The following PPFIBP1 variants were observed in gnomAD, a reference collection of about 807,000 sequenced individuals.
PPFIBP1 encodes liprin-beta-1.
PPFIBP1 carries 112 observed loss-of-function variants against 137.8 expected under a neutral mutation model. That is an observed-to-expected ratio of 0.81 (90% CI 0.70 to 0.95). The LOEUF is 0.95. Ranked by LOEUF, PPFIBP1 falls within the 40% of genes least tolerant of loss-of-function variation. The probability of loss-of-function intolerance (pLI) is 0.00; values close to 1 mark genes in which losing one functional copy is unlikely to be tolerated. For synonymous variants in PPFIBP1, 378 were observed against 417.3 expected (o/e 0.91, Z 1.15); for missense variants, 1,083 against 1,196.6 (o/e 0.91, Z 1.40).
intron 16 of PPFIBP1, among the ~76,000 whole-genome samples, 155 bp downstream of exon 16, chr12:27,673,982 T>C (rs1356907414): frequency 6.6e-6 from 1 of 152,176 alleles, no homozygotes; most frequent in Non-Finnish European, 1.5e-5. Flanking sequence ...CAGTAAATAT[T>C]AAGAAGTATG....
chr12:27,604,403 G>A (rs746647275), intron 2 of PPFIBP1, among the ~76,000 whole-genome samples: 1 of 152,184 alleles, frequency 6.6e-6, no homozygotes, highest in Non-Finnish European at 1.5e-5. Context: ...GGATTGCAGG[G>A]TGGGGTGAGA....
chr12:27,536,182 G>A (rs760269074), intron 1 of PPFIBP1, among the ~76,000 whole-genome samples: 1 of 152,124 alleles, frequency 6.6e-6, no homozygotes, highest in Non-Finnish European at 1.5e-5. Context: ...GAACTCCCAC[G>A]CACCAGGAGT....
chr12:27,679,129 T>G (rs61917495), intron 19 of PPFIBP1, among the ~76,000 whole-genome samples: 1,793 of 152,160 alleles, frequency 0.012, 14 homozygotes, highest in Non-Finnish European at 0.018. Context: ...AGAGTGGTCA[T>G]GTCAAGAAGC....
At chr12:27,581,330 T>C (rs16931566) in intron 2 of PPFIBP1, among the ~76,000 whole-genome samples, 2,622 of 152,334 alleles carry the variant, frequency 0.017, 72 homozygotes, top group African/African-American at 0.06. Flanking sequence ...GAATGCTGTC[T>C]GGTTGTACCA....
At chr12:27,682,740 CT>C (rs1390330185) in intron 24 of PPFIBP1, 37 bp downstream of exon 24, 2 of 1,612,782 alleles carry the variant, frequency 1.2e-6, no homozygotes, top group African/African-American at 1.3e-5. Context: ...GGGAGGAAAA[CT>C]TTTTTTCTCT....
chr12:27,526,765 G>C (rs1053471160), intron 1 of PPFIBP1, among the ~76,000 whole-genome samples: 8 of 152,188 alleles, frequency 5.3e-5, no homozygotes, highest in African/African-American at 1.9e-4. Context: ...AACCCAGGAG[G>C]CGGAGGTTGC....
At chr12:27,613,167 C>T (rs1326351293) in intron 2 of PPFIBP1, among the ~76,000 whole-genome samples, 1 of 152,238 alleles carries the variant, frequency 6.6e-6, no homozygotes, top group Non-Finnish European at 1.5e-5. Flanking sequence ...TCCCTGATTG[C>T]CATGCCTGGC....
At chr12:27,592,914 T>C (rs1368578913) in intron 2 of PPFIBP1, among the ~76,000 whole-genome samples, 3 of 152,004 alleles carry the variant, frequency 2.0e-5, no homozygotes, top group Non-Finnish European at 4.4e-5. Context: ...CCGAGGCATG[T>C]GGATCACTTG....
intron 2 of PPFIBP1, among the ~76,000 whole-genome samples, chr12:27,624,872 G>A (rs2056676957): frequency 6.6e-6 from 1 of 152,128 alleles, no homozygotes; most frequent in African/African-American, 2.4e-5. Flanking sequence ...AAATATCTAA[G>A]ACAATATGTC....
chr12:27,631,987 T>C (rs1350018536), intron 2 of PPFIBP1, among the ~76,000 whole-genome samples: 1 of 151,694 alleles, frequency 6.6e-6, no homozygotes, highest in Non-Finnish European at 1.5e-5. Flanking sequence ...GAATAAATTT[T>C]TTGGAATGAC....
At chr12:27,690,205 A>G (rs746497650) in intron 27 of PPFIBP1, among the ~76,000 whole-genome samples, 2 of 151,782 alleles carry the variant, frequency 1.3e-5, no homozygotes, top group Non-Finnish European at 2.9e-5. Flanking sequence ...ATGTGGAGGG[A>G]TGCAAACCCC....
intron 1 of PPFIBP1, among the ~76,000 whole-genome samples, chr12:27,539,554 C>T (rs1201238326): frequency 6.6e-6 from 1 of 152,268 alleles, no homozygotes; most frequent in Admixed American, 6.5e-5. Context: ...TCAAGAAGCC[C>T]TATGTTTTTC....
At chr12:27,673,071 A>G (rs191702190) in intron 15 of PPFIBP1, among the ~76,000 whole-genome samples, 1 of 152,296 alleles carries the variant, frequency 6.6e-6, no homozygotes, top group African/African-American at 2.4e-5. Context: ...GTAAATGTGC[A>G]TATTTATATT....
chr12:27,687,553 T>C (rs750280407), intron 25 of PPFIBP1, 46 bp downstream of exon 25: 1 of 1,603,346 alleles, frequency 6.2e-7, no homozygotes, highest in South Asian at 1.1e-5. Context: ...TTCCCAGGCA[T>C]GGGACTGTCC....
rs774011489 is a variant in PPFIBP1, at chr12:27,687,450, G to C, written c.2313G>C (p.Gln771His). ...LHHLSIKRAI[Q>H]VLRINNFEPN... Reference sequence around the variant, plus strand: ...ATCTCAGTATCAAAAGGGCCATCCAGGTCCTGAGGATCAATAACTTTGAAC... The same window carrying C: ...ATCTCAGTATCAAAAGGGCCATCCACGTCCTGAGGATCAATAACTTTGAAC... The change falls in exon 25 of 30, where the codon CAG becomes CAC. Residue 771 changes from glutamine (Q) to histidine (H), a missense_variant. By Grantham distance (24) the Gln-to-His change is conservative (BLOSUM62 0). Coordinates refer to ENST00000228425, the MANE Select transcript of PPFIBP1 (RefSeq NM_003622.4). 2.5e-6 allele frequency: 4 copies of C among 1,614,076 alleles called. No individual in the cohort carries two copies. The highest frequency in any genetic ancestry group is 4.5e-5 in the East Asian group (2 of 44,882).
chr12:27,689,819 G>A (rs2061421946), intron 27 of PPFIBP1, among the ~76,000 whole-genome samples: 1 of 152,114 alleles, frequency 6.6e-6, no homozygotes, highest in Non-Finnish European at 1.5e-5. Context: ...GCCCCAGGAA[G>A]GTTGTATACC....
intron 17 of PPFIBP1, among the ~76,000 whole-genome samples, chr12:27,675,135 C>T (rs978621623): frequency 6.6e-6 from 1 of 152,070 alleles, no homozygotes; most frequent in Non-Finnish European, 1.5e-5. Flanking sequence ...AGCCACTGTG[C>T]CTGTTCTGTC....
rs185537870 is a variant in PPFIBP1, at chr12:27,650,560, A to C, written c.603+419A>C. 3.9e-4 allele frequency among the ~76,000 whole-genome samples: 59 copies of C among 152,356 alleles called. 1 individual carries two copies. Among genetic ancestry groups the C allele is most frequent in the African/African-American group, 1.3e-3 (56 of 41,596 alleles). ...GATTTTGAAAATCTGTATAGAAAACATGCTAACATTCTATACTCACAAAAT... is the reference window on the plus strand; with the variant it reads ...GATTTTGAAAATCTGTATAGAAAACCTGCTAACATTCTATACTCACAAAAT... On this transcript the variant is annotated intron_variant, in intron 7 of 29. Coordinates refer to ENST00000228425, the MANE Select transcript of PPFIBP1 (RefSeq NM_003622.4).
rs184577315 is a variant in PPFIBP1, at chr12:27,666,238, T to C, written c.992-928T>C. Reference sequence around the variant, plus strand: ...AAATACAAGAGGTAGTTTTTAACAATGTACAGCAGCACAGATTTTCTTAAA... The same window carrying C: ...AAATACAAGAGGTAGTTTTTAACAACGTACAGCAGCACAGATTTTCTTAAA... On this transcript the variant is annotated intron_variant, in intron 12 of 29. Transcript: ENST00000228425. Among the ~76,000 whole-genome samples the C allele has an allele frequency of 1.3e-4, 20 of 152,330 alleles. No individual in the cohort carries two copies. In the East Asian group the frequency reaches 3.3e-3, roughly 25 times the overall value.
Sources: gnomAD v4.1 joint callset for allele counts (sites outside exome capture counted in the v4.1 genomes callset) on GRCh38, gnomAD v4.1.1 for gene constraint, MANE v1.5 for transcripts, NCBI Gene and HGNC (gene_info 2026-07-23, HGNC 2026-07-21) for gene names.